Variants in MCF2L observed in about 807,000 individuals in gnomAD.
MCF2L encodes MCF.2 cell line derived transforming sequence like.
MCF2L carries 97 observed loss-of-function variants against 153.4 expected under a neutral mutation model. The observed-to-expected ratio is 0.63, with a 90% CI of 0.54 to 0.75. MCF2L has a LOEUF of 0.75. Among genes scored for constraint, MCF2L ranks in the 30% least tolerant of loss-of-function variants. The pLI is 0.00. For synonymous variants in MCF2L, 659 were observed against 632.2 expected (o/e 1.04, Z -0.64); for missense variants, 1,347 against 1,495.2 (o/e 0.90, Z 1.64).
chr13:112,938,373 T>C (rs879707938), intron 2 of MCF2L, among the ~76,000 whole-genome samples: 9 of 152,056 alleles, frequency 5.9e-5, no homozygotes, highest in East Asian at 5.8e-4. Flanking sequence ...AGAAGTTGAC[T>C]GGAGGTGCGA....
intron 5 of MCF2L, among the ~76,000 whole-genome samples, chr13:113,063,261 C>G (rs955578897): frequency 6.6e-6 from 1 of 152,158 alleles, no homozygotes. Flanking sequence ...CACACAGGTC[C>G]GAAGCCAGGC....
In MCF2L at chr13:113,094,516, T is replaced by G; in HGVS notation, c.2956T>G (p.Trp986Gly). 1 of 1,610,832 alleles carries G rather than the reference T, an allele frequency of 6.2e-7. No individual in the cohort carries two copies. Reference protein sequence around the residue: ...LTKPPEKGKGWSKTSHSLEAP... With the variant: ...LTKPPEKGKGGSKTSHSLEAP... ...TCACGGGTGTCTGTCTCTCTTAGGT[T>G]GGAGCAAAACGTCCCACTCACTGGA... The change falls in exon 27 of 30, where the codon TGG (tryptophan) becomes GGG (glycine). Residue 986 changes from tryptophan (W) to glycine (G), a missense_variant and splice_region_variant. Coordinates refer to ENST00000535094, the MANE Select transcript of MCF2L (RefSeq NM_001112732.3).
intron 2 of MCF2L, among the ~76,000 whole-genome samples, chr13:112,953,556 G>A (rs547377622): frequency 3.9e-5 from 6 of 152,246 alleles, no homozygotes; most frequent in Non-Finnish European, 8.8e-5. Context: ...CCTCTGCAGA[G>A]ACAGGAACAA....
chr13:113,056,439 T>A (rs1056128637), intron 4 of MCF2L, among the ~76,000 whole-genome samples: 3 of 149,898 alleles, frequency 2.0e-5, no homozygotes, highest in Non-Finnish European at 4.4e-5. Flanking sequence ...GGGTGCTGAG[T>A]GTTTCGGCGC....
chr13:112,908,889 C>G (rs1382212186), intron 2 of MCF2L, among the ~76,000 whole-genome samples: 2 of 152,014 alleles, frequency 1.3e-5, no homozygotes, highest in Admixed American at 1.3e-4. Context: ...CCGCAACTGG[C>G]TAATTTTTGT....
chr13:113,079,778 C>CAGAGGAGT (rs2033899298), intron 15 of MCF2L, among the ~76,000 whole-genome samples: 1 of 139,612 alleles, frequency 7.2e-6, no homozygotes, highest in Non-Finnish European at 1.6e-5. Flanking sequence ...AGCAGAGGGG[C>CAGAGGAGT]GTCTGCACGG....
At position 112,896,853 on chromosome 13, in the gene MCF2L, C is replaced by T. The variant is rs527661522; in HGVS notation, c.-5+2422C>T. Reference sequence around the variant, plus strand: ...TCCTGAGTCCCACCACAGAGCTTCCCGCCTCACAGATGGAACAGGGCCCTG... The same window carrying T: ...TCCTGAGTCCCACCACAGAGCTTCCTGCCTCACAGATGGAACAGGGCCCTG... On this transcript the variant is annotated intron_variant, in intron 1 of 29. Transcript: ENST00000375608. 1.7e-4 allele frequency among the ~76,000 whole-genome samples: 26 copies of T among 152,352 alleles called. No individual in the cohort carries two copies. The South Asian group carries it at 4.6e-3, about 27-fold the overall frequency.
chr13:113,060,055 T>C (rs528219455), intron 4 of MCF2L, among the ~76,000 whole-genome samples: 1 of 152,338 alleles, frequency 6.6e-6, no homozygotes, highest in African/African-American at 2.4e-5. Context: ...TCCAAGGCTA[T>C]GGGGAGCGTC....
intron 1 of MCF2L, among the ~76,000 whole-genome samples, chr13:112,986,249 T>TC: frequency 6.6e-6 from 1 of 152,250 alleles, no homozygotes; most frequent in Non-Finnish European, 1.5e-5. Context: ...TGTGGCGCTT[T>TC]CCCGGGGCCC....
chr13:112,930,835 G>A (rs1220817855), intron 2 of MCF2L, among the ~76,000 whole-genome samples: 1 of 152,136 alleles, frequency 6.6e-6, no homozygotes, highest in Non-Finnish European at 1.5e-5. Context: ...TACTCAGGAG[G>A]CTGAGGCAAG....
At chr13:113,042,655 AGGCACCG>A (rs1478184694) in intron 3 of MCF2L, 1 of 152,206 alleles carries the variant, frequency 6.6e-6, no homozygotes, top group Non-Finnish European at 1.5e-5. Flanking sequence ...CAGATGTGGG[AGGCACCG>A]GGCACTGTGG....
chr13:113,080,482 A>G (rs1015740109), intron 15 of MCF2L, among the ~76,000 whole-genome samples: 2 of 152,212 alleles, frequency 1.3e-5, no homozygotes, highest in African/African-American at 4.8e-5. Context: ...CAGCTGTCTT[A>G]GAACAAGCTT....
At position 112,969,588 on chromosome 13, in the gene MCF2L, G is replaced by T. The variant is rs2081972046; in HGVS notation, c.79+130G>T. 6.8e-7 allele frequency: 1 copy of T among 1,470,212 alleles called. No homozygotes were observed. The highest frequency in any genetic ancestry group is 2.1e-5 in the Admixed American group (1 of 48,488). 91.1% of individuals were successfully genotyped at this position (1,470,212 alleles called of 1,614,324 possible). The stretch of plus-strand genomic sequence containing the variant: ...TTCTAGCCGTGGTAGCTGTGACATG[G>T]GGGGCACTGGTTGGCAGCTGGTGTG... On this transcript the variant is annotated intron_variant, in intron 1 of 29. Coordinates refer to ENST00000535094, the MANE Select transcript of MCF2L (RefSeq NM_001112732.3). The surrounding 1 kb of genome is among the most constrained non-coding windows in gnomAD (Gnocchi z 4.8).
At chr13:113,057,997 GTT>G (rs2030525774) in intron 4 of MCF2L, among the ~76,000 whole-genome samples, 1 of 147,474 alleles carries the variant, frequency 6.8e-6, no homozygotes, top group African/African-American at 2.5e-5. Context: ...GGTGCTGAGT[GTT>G]TGGGCTCTGA....
At chr13:113,044,722 C>T (rs748019779) in intron 3 of MCF2L, 4 of 1,612,918 alleles carry the variant, frequency 2.5e-6, no homozygotes, top group South Asian at 2.2e-5. Flanking sequence ...GTCTCTGTCA[C>T]AGATGTGGCT....
At chr13:113,052,101 A>G (rs4907579) in intron 4 of MCF2L, among the ~76,000 whole-genome samples, 124,789 of 152,262 alleles carry the variant, frequency 0.82, 51,463 homozygotes, top group African/African-American at 0.9. Flanking sequence ...GTGAGGTGAC[A>G]GATCGGTTAA....
At chr13:113,067,006 C>A (rs769240390) in intron 8 of MCF2L, among the ~76,000 whole-genome samples, 1 of 152,242 alleles carries the variant, frequency 6.6e-6, no homozygotes, top group Non-Finnish European at 1.5e-5. Context: ...AGGGGCTCCT[C>A]GTAGATGGGG....
At chr13:113,071,611 C>T (rs1175381523) in intron 9 of MCF2L, among the ~76,000 whole-genome samples, 1 of 152,194 alleles carries the variant, frequency 6.6e-6, no homozygotes, top group Non-Finnish European at 1.5e-5. Context: ...TGCTGTAGCA[C>T]TGTTTGTTGA....
At chr13:113,090,371 T>A in intron 26 of MCF2L, 1 of 985,454 alleles carries the variant, frequency 1.0e-6, no homozygotes, top group Non-Finnish European at 1.2e-6. Flanking sequence ...GGCGAGCTTT[T>A]CAAATGGAGG....
Sources: gnomAD v4.1 joint callset for allele counts (sites outside exome capture counted in the v4.1 genomes callset) on GRCh38, gnomAD v4.1.1 for gene constraint, Gnocchi (gnomAD v3.1) non-coding constraint, MANE v1.5 for transcripts, NCBI Gene and HGNC (gene_info 2026-07-23, HGNC 2026-07-21) for gene names.